Variants in TCERG1 observed in about 807,000 individuals in gnomAD.
TCERG1 encodes the protein transcription elongation regulator 1.
A neutral mutation model predicts 144.7 loss-of-function variants in TCERG1; 37 were observed. That is an observed-to-expected ratio of 0.26 (90% CI 0.20 to 0.34). The LOEUF is 0.34. TCERG1 is among the 10% of genes least tolerant of loss of function. The pLI, the probability that TCERG1 is intolerant of heterozygous loss-of-function variation, is 1.00. For missense variants in TCERG1, 1,027 were observed against 1,380.7 expected (o/e 0.74, Z 4.06); for synonymous variants, 492 against 458.2 (o/e 1.07, Z -0.94).
rs115619679 is a variant in TCERG1 at position 146,459,281 on chromosome 5, C to T, written c.836C>T (p.Pro279Leu). The change falls in exon 4 of 23, where the codon CCT (proline) becomes CTT (leucine). Residue 279 changes from proline to leucine, a missense_variant. Coordinates refer to ENST00000679501, the MANE Select transcript of TCERG1 (RefSeq NM_001382548.1). ...AVSTSTSSST[P>L]SSTTSTTTTA... ...TCCACTTCAACATCATCATCCACCC[C>T]TTCCTCTACCACTTCTACCACAACA... 1.4e-3 allele frequency: 2,272 copies of T among 1,614,258 alleles called. 25 individuals are homozygous for T. In the African/African-American group the frequency reaches 0.026, roughly 19 times the overall value.
At chr5:146,464,807 A>T (rs1763634134) in intron 5 of TCERG1, among the ~76,000 whole-genome samples, 1 of 152,192 alleles carries the variant, frequency 6.6e-6, no homozygotes, top group Non-Finnish European at 1.5e-5. Flanking sequence ...GTGTAAGAAT[A>T]CAGTTGTGAT....
At chr5:146,506,067 G>A (rs138445442) in intron 19 of TCERG1, among the ~76,000 whole-genome samples, 146 of 152,218 alleles carry the variant, frequency 9.6e-4, no homozygotes, top group Non-Finnish European at 1.7e-3. Flanking sequence ...CACCGCACCC[G>A]GCCTTTTTAT....
intron 3 of TCERG1, among the ~76,000 whole-genome samples, chr5:146,457,606 C>T (rs534560242): frequency 2.4e-3 from 371 of 152,304 alleles, no homozygotes; most frequent in African/African-American, 8.1e-3. Flanking sequence ...ATTCCAGGCT[C>T]CTAGAAGGAA....
chr5:146,456,505 A>G (rs1434299240), intron 2 of TCERG1, among the ~76,000 whole-genome samples: 1 of 152,186 alleles, frequency 6.6e-6, no homozygotes, highest in East Asian at 1.9e-4. Flanking sequence ...GGGCTCATGA[A>G]ACGTATTTGG....
chr5:146,449,154 C>T (rs930625727), intron 1 of TCERG1, among the ~76,000 whole-genome samples: 10 of 152,266 alleles, frequency 6.6e-5, no homozygotes, highest in African/African-American at 2.4e-4. Flanking sequence ...TTAATTTTTG[C>T]ATTATATTTG....
chr5:146,482,642 C>G lies in TCERG1; in HGVS notation c.1988C>G (p.Ala663Gly). ...IDSEKEAAME[A>G]EIKAARERAI... ...TCAGAGAAAGAAGCTGCCATGGAAG[C>G]TGAAATTAAAGCTGCCCGAGAAAGG... The change falls in exon 14 of 23, where the codon GCT (alanine) becomes GGT (glycine). Residue 663 changes from alanine to glycine, a missense_variant. Coordinates refer to ENST00000679501, the MANE Select transcript of TCERG1 (RefSeq NM_001382548.1). 1 of 1,612,974 alleles carries G rather than the reference C, an allele frequency of 6.2e-7. No individual in the cohort carries two copies. Among genetic ancestry groups the G allele is most frequent in the Non-Finnish European group, 8.5e-7 (1 of 1,179,370 alleles).
chr5:146,449,907 A>T (rs1762209524), intron 1 of TCERG1, among the ~76,000 whole-genome samples: 1 of 151,932 alleles, frequency 6.6e-6, no homozygotes, highest in East Asian at 2.0e-4. Context: ...TGAGAATAAG[A>T]ATATTCTGGT....
rs184183473 is a variant in TCERG1 at position 146,459,347 on chromosome 5, A to G, written c.892+10A>G. 6.8e-6 allele frequency: 11 copies of G among 1,610,480 alleles called. No homozygotes were observed. The highest frequency in any genetic ancestry group is 4.5e-5 in the East Asian group (2 of 44,818). On this transcript the variant is annotated intron_variant, in intron 4 of 22. Transcript: ENST00000679501. ...GCGCAGACAGTATCAAGTGAGTACC[A>G]CTCAGCATGTGTTTTTATATAGGGG...
intron 15 of TCERG1, among the ~76,000 whole-genome samples, chr5:146,486,495 T>C (rs1318284435): frequency 1.3e-5 from 2 of 152,230 alleles, no homozygotes; most frequent in African/African-American, 2.4e-5. Context: ...GGTTCTGACA[T>C]AGATAGTCGT....
intron 1 of TCERG1, 81 bp from the exon 2 acceptor site, chr5:146,454,975 T>G: frequency 1.4e-6 from 2 of 1,445,738 alleles, no homozygotes; most frequent in Non-Finnish European, 1.9e-6. Flanking sequence ...CCTTTTAAAT[T>G]TGATGGATGT....
At chr5:146,465,839 C>T (rs1240121874) in intron 5 of TCERG1, among the ~76,000 whole-genome samples, 1 of 151,898 alleles carries the variant, frequency 6.6e-6, no homozygotes, top group East Asian at 1.9e-4. Flanking sequence ...CGAGACTAGC[C>T]TCAACATGGA....
At position 146,479,864 on chromosome 5, in the gene TCERG1, C is replaced by T. The variant is rs1188867065; in HGVS notation, c.1772C>T (p.Thr591Ile). The T allele has an allele frequency of 5.0e-6, 8 of 1,613,518 alleles. No individual in the cohort carries two copies. The highest frequency in any genetic ancestry group is 6.8e-6 in the Non-Finnish European group (8 of 1,179,630). ...GAAATGTTTTTGCCAGGGCACCCAA[C>T]TCCGACAATGCTGTCGATCCAAAAG... ...MEELKKLRHP[T>I]PTMLSIQKWQ... The change falls in exon 11 of 23, where the codon ACT becomes ATT. Residue 591 changes from threonine (T) to isoleucine (I), a missense_variant. Transcript: ENST00000679501.
At chr5:146,463,846 T>C in intron 5 of TCERG1, 53 bp downstream of exon 5, 1 of 1,607,908 alleles carries the variant, frequency 6.2e-7, no homozygotes, top group Admixed American at 1.7e-5. Flanking sequence ...TATTGTCAGT[T>C]AGTTTGTTCT....
intron 5 of TCERG1, among the ~76,000 whole-genome samples, chr5:146,465,575 T>C (rs943469543): frequency 3.9e-5 from 6 of 152,064 alleles, no homozygotes; most frequent in Non-Finnish European, 8.8e-5. Context: ...TTTGGACAGG[T>C]GGTGGTGACC....
chr5:146,508,018 A>C, intron 21 of TCERG1, 62 bp downstream of exon 21: 1 of 1,182,092 alleles, frequency 8.5e-7, no homozygotes. Context: ...GGGGCCTAAC[A>C]GCACTACTAT....
intron 22 of TCERG1, among the ~76,000 whole-genome samples, chr5:146,509,552 T>C (rs1581593345): frequency 6.6e-6 from 1 of 152,146 alleles, no homozygotes; most frequent in East Asian, 1.9e-4. Context: ...ATAAGAATTG[T>C]ATTTCATGAA....
At chr5:146,463,453 C>T in intron 4 of TCERG1, 98 bp from the exon 5 acceptor site, 2 of 1,543,416 alleles carry the variant, frequency 1.3e-6, no homozygotes, top group African/African-American at 1.4e-5. Flanking sequence ...TAGAATGGTC[C>T]CTTAAATACT....
chr5:146,482,089 A>T (rs770956025), intron 13 of TCERG1: 1 of 152,228 alleles, frequency 6.6e-6, no homozygotes, highest in Non-Finnish European at 1.5e-5. Flanking sequence ...TTTTATTTTT[A>T]AAATGAATGT....
intron 2 of TCERG1, among the ~76,000 whole-genome samples, 190 bp from the exon 3 acceptor site, chr5:146,456,993 G>A (rs1762884266): frequency 6.6e-6 from 1 of 152,216 alleles, no homozygotes; most frequent in African/African-American, 2.4e-5. Flanking sequence ...ACTATTAGTA[G>A]TTTGATGTGT....
Sources: gnomAD v4.1 joint callset for allele counts (sites outside exome capture counted in the v4.1 genomes callset) on GRCh38, gnomAD v4.1.1 for gene constraint, MANE v1.5 for transcripts, NCBI Gene and HGNC (gene_info 2026-07-23, HGNC 2026-07-21) for gene names.